The following GRHL2 variants were observed in gnomAD, a reference collection of about 807,000 sequenced individuals.
GRHL2 encodes the protein grainyhead like transcription factor 2, also known as grainyhead-like protein 2 homolog.
In GRHL2, 21 loss-of-function variants were observed where a neutral mutation model predicts 83.8. The observed-to-expected ratio is 0.25, with a 90% CI of 0.18 to 0.36. The LOEUF is 0.36. GRHL2 is among the 10% of genes least tolerant of loss of function. The pLI, the probability that GRHL2 is intolerant of heterozygous loss-of-function variation, is 1.00. For synonymous variants in GRHL2, 280 were observed against 278.9 expected, an observed-to-expected ratio of 1.00 and a Z score of -0.04; for missense variants, 623 against 781.8, an observed-to-expected ratio of 0.80 and a Z score of 2.42.
intron 7 of GRHL2, among the ~76,000 whole-genome samples, chr8:101,592,442 G>A (rs1418506843): frequency 5.9e-5 from 9 of 152,084 alleles, no homozygotes; most frequent in Admixed American, 5.9e-4. Context: ...GTGAACCAAA[G>A]GCACCAAAAT....
intron 1 of GRHL2, among the ~76,000 whole-genome samples, chr8:101,528,075 G>A (rs967220634): frequency 6.6e-6 from 1 of 151,840 alleles, no homozygotes; most frequent in Non-Finnish European, 1.5e-5. Flanking sequence ...TTTTTCAGCT[G>A]TAAGACATTA....
intron 1 of GRHL2, among the ~76,000 whole-genome samples, chr8:101,539,030 G>A (rs750479965): frequency 2.6e-5 from 4 of 152,176 alleles, no homozygotes; most frequent in Non-Finnish European, 5.9e-5. Context: ...CTTTGTGCTA[G>A]GAAAGATGAA....
At chr8:101,501,513 G>A (rs1810228272) in intron 1 of GRHL2, among the ~76,000 whole-genome samples, 2 of 152,204 alleles carry the variant, frequency 1.3e-5, no homozygotes, top group South Asian at 4.1e-4. Context: ...GGAGAAAGGA[G>A]AGGACAGAAG....
At chr8:101,586,510 A>G (rs1456354319) in intron 7 of GRHL2, among the ~76,000 whole-genome samples, 1 of 152,192 alleles carries the variant, frequency 6.6e-6, no homozygotes, top group African/African-American at 2.4e-5. Context: ...TAATCTTCCC[A>G]GGTAGAGTCC....
chr8:101,552,842 A>T, intron 3 of GRHL2, 60 bp downstream of exon 3: 1 of 1,491,974 alleles, frequency 6.7e-7, no homozygotes, highest in South Asian at 1.2e-5. Context: ...CAATGTTATT[A>T]AACTGTATGT....
chr8:101,513,500 CT>C (rs112134650), intron 1 of GRHL2, among the ~76,000 whole-genome samples: 8 of 100,166 alleles, frequency 8.0e-5, no homozygotes, highest in African/African-American at 3.0e-4. Context: ...TATCGTTGTG[CT>C]TTTTTTTTTG....
intron 8 of GRHL2, among the ~76,000 whole-genome samples, chr8:101,603,404 A>G (rs1381117033): frequency 6.6e-6 from 1 of 152,236 alleles, no homozygotes; most frequent in East Asian, 1.9e-4. Context: ...TCAAGACCTG[A>G]TAATAAGGTT....
intron 14 of GRHL2, among the ~76,000 whole-genome samples, chr8:101,660,262 T>C (rs999837532): frequency 3.3e-5 from 5 of 151,796 alleles, no homozygotes; most frequent in African/African-American, 1.2e-4. Flanking sequence ...CTTTTTATCA[T>C]TATATCATAT....
intron 14 of GRHL2, among the ~76,000 whole-genome samples, chr8:101,657,831 C>CA (rs202185323): frequency 0.38 from 47,072 of 122,910 alleles, 8,471 homozygotes; most frequent in African/African-American, 0.53. Flanking sequence ...CAGAGCGAAA[C>CA]AAAAAAAAAA....
At chr8:101,558,001 AT>A (rs1169017082) in intron 3 of GRHL2, among the ~76,000 whole-genome samples, 5 of 152,074 alleles carry the variant, frequency 3.3e-5, no homozygotes, top group African/African-American at 4.8e-5. Flanking sequence ...AGTAGCTGGG[AT>A]TACAGGCATG....
At chr8:101,505,586 A>AAAC (rs1275924622) in intron 1 of GRHL2, among the ~76,000 whole-genome samples, 1 of 151,464 alleles carries the variant, frequency 6.6e-6, no homozygotes, top group African/African-American at 2.4e-5. Flanking sequence ...TCAAAAAAAA[A>AAAC]AAAAAAAAAA....
chr8:101,570,244 A>G (rs1811794704), intron 4 of GRHL2, 95 bp from the exon 5 acceptor site: 3 of 1,028,632 alleles, frequency 2.9e-6, no homozygotes, highest in African/African-American at 3.1e-5. Flanking sequence ...TTATTTTCTA[A>G]TGAGAGAATA....
At chr8:101,592,107 T>TC (rs887204661) in intron 7 of GRHL2, among the ~76,000 whole-genome samples, 4 of 134,550 alleles carry the variant, frequency 3.0e-5, no homozygotes, top group Non-Finnish European at 4.8e-5. Context: ...TTTCTTTTTT[T>TC]TTTTTTTTTT....
intron 8 of GRHL2, among the ~76,000 whole-genome samples, chr8:101,600,282 C>A (rs1417946492): frequency 6.6e-6 from 1 of 152,202 alleles, no homozygotes; most frequent in East Asian, 1.9e-4. Context: ...GCAGGCCTTG[C>A]CATGGGGTGT....
chr8:101,667,690 G>A lies in GRHL2; in HGVS notation c.*987G>A, dbSNP rs984707028. On this transcript the variant is annotated 3_prime_UTR_variant, in exon 16 of 16. Coordinates refer to ENST00000646743, the MANE Select transcript of GRHL2 (RefSeq NM_024915.4). Reference sequence around the variant, plus strand: ...CCCTTTGCGCTGTCTCGTGGGAAAGGTCATTCTGTCTGAGACCCCAGCTCC... The same window carrying A: ...CCCTTTGCGCTGTCTCGTGGGAAAGATCATTCTGTCTGAGACCCCAGCTCC... 1 of 152,500 alleles carries A rather than the reference G, an allele frequency of 6.6e-6. No individual in the cohort carries two copies. Among genetic ancestry groups the A allele is most frequent in the Non-Finnish European group, 1.5e-5 (1 of 68,080 alleles). 9.4% of individuals were successfully genotyped at this position (152,500 alleles called of 1,614,324 possible). A position where few individuals can be genotyped will look rare whatever the true frequency, so the allele number is the denominator to read the frequency against.
chr8:101,598,112 T>C (rs1397784689), intron 7 of GRHL2, among the ~76,000 whole-genome samples: 1 of 152,146 alleles, frequency 6.6e-6, no homozygotes, highest in Non-Finnish European at 1.5e-5. Context: ...TTTATAGCTA[T>C]TGCATTTGTG....
intron 9 of GRHL2, among the ~76,000 whole-genome samples, chr8:101,626,128 A>G (rs1279275814): frequency 1.3e-5 from 2 of 152,048 alleles, no homozygotes; most frequent in Non-Finnish European, 2.9e-5. Context: ...ACAAATGCCC[A>G]CTTTGACTTA....
chr8:101,671,472 TGCAAGCTGG>T (rs1415492983), downstream of GRHL2, among the ~76,000 whole-genome samples: 4 of 144,914 alleles, frequency 2.8e-5, no homozygotes, highest in African/African-American at 1.1e-4. Flanking sequence ...GAGGGGCACC[TGCAAGCTGG>T]GGGAGGGGCA....
chr8:101,545,430 A>G (rs1811239438), intron 2 of GRHL2, among the ~76,000 whole-genome samples: 1 of 133,854 alleles, frequency 7.5e-6, no homozygotes, highest in Non-Finnish European at 1.6e-5. Context: ...CTCTACAGTG[A>G]AGGGGAATTC....
Sources: gnomAD v4.1 joint callset for allele counts (sites outside exome capture counted in the v4.1 genomes callset) on GRCh38, gnomAD v4.1.1 for gene constraint, MANE v1.5 for transcripts, NCBI Gene and HGNC (gene_info 2026-07-23, HGNC 2026-07-21) for gene names.